The following CD99L2 variants were observed in gnomAD, a reference collection of about 807,000 sequenced individuals.
CD99L2 encodes CD99 molecule like 2.
In CD99L2, 24 loss-of-function variants were observed where a neutral mutation model predicts 27.3. The observed-to-expected ratio is 0.88, with a 90% CI of 0.64 to 1.24. The LOEUF (loss-of-function observed/expected upper bound fraction) is 1.24. Among genes scored for constraint, CD99L2 ranks in the 50% most tolerant of loss-of-function variants. The pLI, the probability that CD99L2 is intolerant of heterozygous loss-of-function variation, is 0.00. For synonymous variants in CD99L2, 97 were observed against 87.9 expected (o/e 1.10, Z -0.58); for missense variants, 255 against 221.6 (o/e 1.15, Z -0.96).
chrX:150,861,049 G>A (rs1162461103), intron 1 of CD99L2, among the ~76,000 whole-genome samples: 2 of 105,637 alleles, frequency 1.9e-5, no homozygotes, highest in Non-Finnish European at 3.9e-5. Flanking sequence ...GGCTGAGGGA[G>A]GAGAATGGCG....
rs1178420595 is a variant in CD99L2 at position 150,768,338 on chromosome X, T to C, written c.*696A>G. 2 of 112,689 alleles carry C rather than the reference T, an allele frequency of 1.8e-5. No homozygotes were observed. Among genetic ancestry groups the C allele is most frequent in the African/African-American group, 6.5e-5 (2 of 30,951 alleles). 9.3% of individuals were successfully genotyped at this position (112,689 alleles called of 1,213,427 possible). On this transcript the variant is annotated 3_prime_UTR_variant, in exon 11 of 11. Transcript: ENST00000370377. ...AACAGGCCTACGAATTGCTTCATACTTATCCGGAAGATTCCTAAGCTCTCA... is the reference window on the plus strand; with the variant it reads ...AACAGGCCTACGAATTGCTTCATACCTATCCGGAAGATTCCTAAGCTCTCA...
At chrX:150,800,165 C>T (rs187079708) in intron 4 of CD99L2, among the ~76,000 whole-genome samples, 2 of 111,959 alleles carry the variant, frequency 1.8e-5, no homozygotes, top group Non-Finnish European at 3.8e-5. Flanking sequence ...ATAAGAGGTA[C>T]CTAGAATGGG....
chrX:150,772,315 G>C (rs781931965), intron 9 of CD99L2, among the ~76,000 whole-genome samples: 18 of 112,517 alleles, frequency 1.6e-4, no homozygotes, highest in Non-Finnish European at 3.0e-4. Flanking sequence ...GCCCAATCCC[G>C]CCCCATGAGC....
intron 7 of CD99L2, among the ~76,000 whole-genome samples, chrX:150,778,473 AT>A (rs781790149): frequency 8.8e-5 from 8 of 91,023 alleles, no homozygotes; most frequent in African/African-American, 3.3e-4. Context: ...GTGGGGGGGT[AT>A]TGATAGTTGG....
At position 150,786,021 on chromosome X, in the gene CD99L2, G is replaced by A. The variant is rs782015413; in HGVS notation, c.496+7670C>T. ...TTTCTCTTGAATAGGGAATGAAATT[G>A]CTGGGTCGCTAGGTAGGTCTATGTT... is the stretch of plus-strand genomic sequence containing the variant. On this transcript the variant is annotated intron_variant, in intron 7 of 10. Coordinates refer to ENST00000370377, the MANE Select transcript of CD99L2 (RefSeq NM_031462.4). 4.5e-5 allele frequency among the ~76,000 whole-genome samples: 5 copies of A among 111,415 alleles called. No individual in the cohort carries two copies. In the East Asian group the frequency reaches 8.5e-4, roughly 19 times the overall value.
At chrX:150,822,301 T>C (rs12014097) in intron 2 of CD99L2, among the ~76,000 whole-genome samples, 1,336 of 112,223 alleles carry the variant, frequency 0.012, 24 homozygotes, top group African/African-American at 0.041. Context: ...TCCATTTATA[T>C]AAAATATCCA....
In CD99L2 at chrX:150,831,318, A is replaced by G. The variant is rs782180508; in HGVS notation, c.68-25T>C. On this transcript the variant is annotated intron_variant, in intron 1 of 10. Coordinates refer to ENST00000370377, the MANE Select transcript of CD99L2 (RefSeq NM_031462.4). ...CCTAAAAATTAAAAAAAAAAATTAA[A>G]CTATCTTTGCATAAAACAAAGTAAT... is the stretch of plus-strand genomic sequence containing the variant. 5.4e-5 allele frequency: 60 copies of G among 1,108,676 alleles called. 1 individual carries two copies. In the South Asian group the frequency reaches 1.0e-3, roughly 19 times the overall value. 91.4% of individuals were successfully genotyped at this position (1,108,676 alleles called of 1,213,427 possible).
At chrX:150,797,072 AC>A (rs113584810) in intron 4 of CD99L2, among the ~76,000 whole-genome samples, 1,543 of 111,182 alleles carry the variant, frequency 0.014, 36 homozygotes, top group African/African-American at 0.048. Context: ...AATCTAAGTT[AC>A]TAATTCAAGA....
intron 1 of CD99L2, among the ~76,000 whole-genome samples, chrX:150,881,058 C>T (rs1452010533): frequency 9.0e-6 from 1 of 111,340 alleles, no homozygotes. Flanking sequence ...TTCCTCCTAG[C>T]GAGAGGGAGC....
chrX:150,861,917 A>AAG (rs34407146), intron 1 of CD99L2, among the ~76,000 whole-genome samples: 53 of 103,263 alleles, frequency 5.1e-4, no homozygotes, highest in East Asian at 1.5e-3. Context: ...AAAAAAAAAA[A>AAG]AGAGAGAGAG....
intron 7 of CD99L2, among the ~76,000 whole-genome samples, chrX:150,785,580 T>C (rs192754765): frequency 9.0e-5 from 10 of 111,493 alleles, no homozygotes; most frequent in African/African-American, 2.9e-4. Flanking sequence ...CACACAACTA[T>C]GAAACCGAGA....
At chrX:150,824,168 GAGGAGGAGA>G (rs1321800603) in intron 2 of CD99L2, among the ~76,000 whole-genome samples, 2 of 33,186 alleles carry the variant, frequency 6.0e-5, no homozygotes, top group African/African-American at 2.1e-4. Flanking sequence ...GGAGGAGGAG[GAGGAGGAGA>G]AGGAGGAGGA....
At chrX:150,848,143 T>A (rs797027416) in intron 1 of CD99L2, among the ~76,000 whole-genome samples, 1 of 101,521 alleles carries the variant, frequency 9.9e-6, no homozygotes, top group South Asian at 5.8e-4. Flanking sequence ...CCTCTCACAG[T>A]ATTACATAAA....
At chrX:150,889,542 T>C (rs1287624685) in intron 1 of CD99L2, among the ~76,000 whole-genome samples, 1 of 111,724 alleles carries the variant, frequency 9.0e-6, no homozygotes, top group East Asian at 2.8e-4. Flanking sequence ...TGGAAATAAA[T>C]TCCACACTGC....
chrX:150,836,169 C>T (rs1359759858), intron 1 of CD99L2, among the ~76,000 whole-genome samples: 2 of 111,351 alleles, frequency 1.8e-5, no homozygotes, highest in African/African-American at 3.3e-5. Flanking sequence ...AGTTCTCAAG[C>T]AAACCATTAT....
At chrX:150,840,865 C>T (rs993135545) in intron 1 of CD99L2, among the ~76,000 whole-genome samples, 5 of 108,634 alleles carry the variant, frequency 4.6e-5, no homozygotes, top group Admixed American at 9.9e-5. Context: ...GTAGGAAATG[C>T]ACTCTAATAT....
Position 150,769,079 on chromosome X carries a change from C to A in CD99L2, c.744G>T (p.Thr248=), listed in dbSNP as rs143462293. The change falls in exon 11 of 11, where the codon ACG becomes ACT. Residue 248 remains threonine (T), a synonymous_variant. Coordinates refer to ENST00000370377, the MANE Select transcript of CD99L2 (RefSeq NM_031462.4). ...GCGGCGGCGGCGGCTCTGCAGACTGCGTGTGCAACGTGGAGTATTTCACTA... is the reference window on the plus strand; with the variant it reads ...GCGGCGGCGGCGGCTCTGCAGACTGAGTGTGCAACGTGGAGTATTTCACTA... ...EPQVKYSTLH[T]QSAEPPPPPE... 4.6e-5 allele frequency: 53 copies of A among 1,161,183 alleles called. No homozygotes were observed. The highest frequency in any genetic ancestry group is 5.6e-5 in the Non-Finnish European group (49 of 877,372).
intron 6 of CD99L2, among the ~76,000 whole-genome samples, chrX:150,794,999 G>A (rs1490554353): frequency 8.9e-6 from 1 of 112,640 alleles, no homozygotes; most frequent in African/African-American, 3.2e-5. Flanking sequence ...CTAAGATGAT[G>A]AGTATTGATA....
intron 1 of CD99L2, among the ~76,000 whole-genome samples, chrX:150,837,253 T>A (rs994034670): frequency 1.0e-5 from 1 of 98,041 alleles, no homozygotes; most frequent in African/African-American, 4.1e-5. Flanking sequence ...AGTATTATTA[T>A]TTTTTTTTTT....
Sources: gnomAD v4.1 joint callset for allele counts (sites outside exome capture counted in the v4.1 genomes callset) on GRCh38, gnomAD v4.1.1 for gene constraint, MANE v1.5 for transcripts, NCBI Gene and HGNC (gene_info 2026-07-23, HGNC 2026-07-21) for gene names.